The following IDE variants were observed in gnomAD, a reference collection of about 807,000 sequenced individuals.
IDE encodes the protein insulin degrading enzyme, also known as insulin-degrading enzyme.
IDE carries 58 observed loss-of-function variants against 133.2 expected under a neutral mutation model. The observed-to-expected ratio is 0.44, with a 90% CI of 0.35 to 0.54. IDE has a LOEUF of 0.54. Ranked by LOEUF, IDE falls within the 20% of genes least tolerant of loss-of-function variation. IDE has a pLI of 0.00. For synonymous variants in IDE, 396 were observed against 421.3 expected (o/e 0.94, Z 0.73); for missense variants, 981 against 1,234.0 (o/e 0.79, Z 3.07).
chr10:92,552,637 T>C (rs1842835636), intron 1 of IDE, among the ~76,000 whole-genome samples: 1 of 151,754 alleles, frequency 6.6e-6, no homozygotes, highest in Admixed American at 6.6e-5. Flanking sequence ...GGCGAGCAGA[T>C]CACCTCAGGT....
chr10:92,552,205 C>T (rs1842816858), intron 1 of IDE, among the ~76,000 whole-genome samples: 1 of 152,102 alleles, frequency 6.6e-6, no homozygotes, highest in African/African-American at 2.4e-5. Flanking sequence ...AAAAGAACTA[C>T]ATGCAAATAT....
chr10:92,564,671 C>CAAA lies in IDE; in HGVS notation c.98+9248_98+9250dup, dbSNP rs532861372. On this transcript the variant is annotated intron_variant, in intron 1 of 24. Coordinates refer to ENST00000265986, the MANE Select transcript of IDE (RefSeq NM_004969.4). ...CCTGGGCGATAAAGCGAGACTGTCT[C>CAAA]AAAAAAAAAAAAAAAAAAAAAAAAA... 5.7e-4 allele frequency among the ~76,000 whole-genome samples: 18 copies of CAAA among 31,586 alleles called. 3 individuals carry two copies. The highest frequency in any genetic ancestry group is 8.8e-4 in the African/African-American group (8 of 9,072). The allele number at this position is 31,586 out of a possible 152,430, so 20.7% of individuals were successfully genotyped here.
chr10:92,499,791 G>C (rs540317621), intron 11 of IDE, among the ~76,000 whole-genome samples: 1 of 152,098 alleles, frequency 6.6e-6, no homozygotes, highest in Admixed American at 6.6e-5. Flanking sequence ...TTTGCCTATC[G>C]CAAGGTTTTG....
chr10:92,569,952 A>G (rs1843712063), intron 1 of IDE, among the ~76,000 whole-genome samples: 1 of 152,170 alleles, frequency 6.6e-6, no homozygotes, highest in South Asian at 2.1e-4. Flanking sequence ...TCTACTAAAA[A>G]TACAAAAATT....
rs565150743 is a variant in IDE at position 92,507,230 on chromosome 10, C to T, written c.1245+345G>A. Among the ~76,000 whole-genome samples the T allele has an allele frequency of 3.9e-5, 6 of 152,132 alleles. No individual in the cohort carries two copies. In the East Asian group the frequency reaches 1.2e-3, roughly 29 times the overall value. The stretch of plus-strand genomic sequence containing the variant: ...TGCTACAGATTTAAAGATCTGAAAA[C>T]GACAGAGCTCATGCAGCTTCAGGCA... On this transcript the variant is annotated intron_variant, in intron 9 of 24. Transcript: ENST00000265986.
At chr10:92,530,569 G>A (rs765923308) in intron 4 of IDE, among the ~76,000 whole-genome samples, 5 of 151,900 alleles carry the variant, frequency 3.3e-5, no homozygotes, top group Admixed American at 6.6e-5. Context: ...TTACAGGCAT[G>A]AGCCACCATG....
At chr10:92,531,279 A>T (rs770326808) in intron 4 of IDE, among the ~76,000 whole-genome samples, 2 of 152,114 alleles carry the variant, frequency 1.3e-5, no homozygotes, top group Non-Finnish European at 2.9e-5. Flanking sequence ...CCTCTAGGAG[A>T]TTGTAGCACT....
intron 15 of IDE, among the ~76,000 whole-genome samples, chr10:92,477,586 C>T (rs751214694): frequency 1.2e-4 from 19 of 152,218 alleles, no homozygotes; most frequent in African/African-American, 3.9e-4. Flanking sequence ...GCTAGAATAT[C>T]ATGAAAGTCT....
chr10:92,480,036 A>G (rs7910605), intron 14 of IDE, among the ~76,000 whole-genome samples: 26,008 of 152,244 alleles, frequency 0.17, 2,528 homozygotes, highest in African/African-American at 0.25. Flanking sequence ...AGGGAAAAAT[A>G]AAATAGAAAA....
chr10:92,487,575 G>A (rs1354679820), intron 12 of IDE, among the ~76,000 whole-genome samples: 1 of 152,156 alleles, frequency 6.6e-6, no homozygotes, highest in African/African-American at 2.4e-5. Flanking sequence ...ACCAGCTGAG[G>A]AACAATTGAG....
chr10:92,480,083 T>C (rs753768599), intron 14 of IDE, among the ~76,000 whole-genome samples: 8 of 152,196 alleles, frequency 5.3e-5, no homozygotes, highest in Non-Finnish European at 1.2e-4. Flanking sequence ...GAAAGAATTA[T>C]AGAGTACAAG....
At chr10:92,542,717 G>T (rs1179684652) in intron 1 of IDE, among the ~76,000 whole-genome samples, 1 of 152,198 alleles carries the variant, frequency 6.6e-6, no homozygotes, top group Non-Finnish European at 1.5e-5. Context: ...AAGTAGAAGG[G>T]AATTCGTGAG....
At chr10:92,572,519 A>T (rs1843834590) in intron 1 of IDE, among the ~76,000 whole-genome samples, 1 of 152,116 alleles carries the variant, frequency 6.6e-6, no homozygotes, top group Admixed American at 6.6e-5. Flanking sequence ...GACTCTCTCC[A>T]CTTCCTGACA....
intron 11 of IDE, among the ~76,000 whole-genome samples, chr10:92,500,439 T>C (rs773072721): frequency 6.6e-6 from 1 of 152,212 alleles, no homozygotes; most frequent in Non-Finnish European, 1.5e-5. Flanking sequence ...GAAGACATTA[T>C]AGTAAGTGAA....
intron 1 of IDE, among the ~76,000 whole-genome samples, chr10:92,549,253 T>C (rs1383698331): frequency 7.5e-6 from 1 of 132,780 alleles, no homozygotes; most frequent in Non-Finnish European, 1.7e-5. Flanking sequence ...TGAGACTGTG[T>C]CTTAAAAAAA....
At chr10:92,538,195 C>T (rs972721233) in intron 1 of IDE, among the ~76,000 whole-genome samples, 2 of 152,178 alleles carry the variant, frequency 1.3e-5, no homozygotes, top group African/African-American at 2.4e-5. Context: ...TTTTATTTCA[C>T]ACTATTTCAG....
intron 4 of IDE, among the ~76,000 whole-genome samples, chr10:92,528,088 T>A (rs1462276693): frequency 6.6e-6 from 1 of 152,334 alleles, no homozygotes; most frequent in East Asian, 1.9e-4. Flanking sequence ...ATGGAGGCAA[T>A]CCTATCATAT....
chr10:92,561,113 G>A (rs142844863), intron 1 of IDE, among the ~76,000 whole-genome samples: 138 of 151,362 alleles, frequency 9.1e-4, no homozygotes, highest in African/African-American at 3.2e-3. Flanking sequence ...AAACATTAGC[G>A]GGCACGGTGG....
chr10:92,561,568 A>G (rs1843284634), intron 1 of IDE, among the ~76,000 whole-genome samples: 1 of 151,294 alleles, frequency 6.6e-6, no homozygotes, highest in Admixed American at 6.6e-5. Flanking sequence ...CCTGGCTAAC[A>G]TGGTGAAACC....
Sources: allele counts gnomAD v4.1 joint callset (sites outside exome capture counted in the v4.1 genomes callset), GRCh38; gene constraint gnomAD v4.1.1; transcripts MANE v1.5; gene names NCBI Gene and HGNC (gene_info 2026-07-23, HGNC 2026-07-21).